DNAH3: variants seen among roughly 807,000 people sequenced by gnomAD.
DNAH3 encodes axonemal beta dynein heavy chain 3.
Under a neutral mutation model 432.5 loss-of-function variants are expected in DNAH3, and 332 were observed. The ratio of observed to expected loss-of-function variants is 0.77; its 90% confidence interval spans 0.70 to 0.84. DNAH3 has a LOEUF of 0.84. Ranked by LOEUF, DNAH3 falls within the 40% of genes least tolerant of loss-of-function variation. The pLI is 0.00. For synonymous variants in DNAH3, 1,956 were observed against 1,900.2 expected (o/e 1.03, Z -0.76); for missense variants, 4,861 against 5,114.0 (o/e 0.95, Z 1.51).
intron 53 of DNAH3, among the ~76,000 whole-genome samples, chr16:20,962,281 C>T (rs994288072): frequency 6.6e-6 from 1 of 152,136 alleles, no homozygotes; most frequent in African/African-American, 2.4e-5. Context: ...GTCAGTGGTT[C>T]CCATCCCTGG....
chr16:20,992,662 A>G (rs551979277), intron 44 of DNAH3, among the ~76,000 whole-genome samples: 38 of 152,254 alleles, frequency 2.5e-4, no homozygotes, highest in African/African-American at 9.1e-4. Flanking sequence ...TTCTTACCCC[A>G]GCAGACATGC....
chr16:20,950,145 G>A (rs1304330745), intron 56 of DNAH3, among the ~76,000 whole-genome samples: 1 of 152,198 alleles, frequency 6.6e-6, no homozygotes, highest in East Asian at 1.9e-4. Flanking sequence ...ACTGTGTCCA[G>A]CTCCAGGCGC....
chr16:21,010,336 C>G (rs768461710), intron 41 of DNAH3, among the ~76,000 whole-genome samples: 23 of 152,100 alleles, frequency 1.5e-4, no homozygotes, highest in Non-Finnish European at 2.8e-4. Flanking sequence ...ACCCCTACCC[C>G]CCCTACCCCA....
chr16:21,152,466 G>A (rs911687494), intron 1 of DNAH3, among the ~76,000 whole-genome samples: 1 of 152,228 alleles, frequency 6.6e-6, no homozygotes, highest in Non-Finnish European at 1.5e-5. Context: ...CGCTCTCGGC[G>A]CCTCCTCTGC....
At chr16:20,977,133 G>C (rs2085628814) in intron 50 of DNAH3, among the ~76,000 whole-genome samples, 1 of 152,176 alleles carries the variant, frequency 6.6e-6, no homozygotes, top group African/African-American at 2.4e-5. Flanking sequence ...CCAGCACTTT[G>C]GGAGGCTGAG....
intron 6 of DNAH3, among the ~76,000 whole-genome samples, chr16:21,135,867 T>G (rs1029375856): frequency 6.7e-6 from 1 of 148,368 alleles, no homozygotes; most frequent in Non-Finnish European, 1.5e-5. Context: ...TAGGGAGACC[T>G]TGTCGCTAAA....
At chr16:20,984,583 T>C (rs776667405) in intron 48 of DNAH3, among the ~76,000 whole-genome samples, 22 of 152,076 alleles carry the variant, frequency 1.4e-4, no homozygotes, top group Non-Finnish European at 2.8e-4. Flanking sequence ...TTTGAAATTA[T>C]TCAGGGTCCG....
chr16:20,934,955 C>T (rs2083534829), intron 61 of DNAH3, among the ~76,000 whole-genome samples: 1 of 152,040 alleles, frequency 6.6e-6, no homozygotes, highest in Non-Finnish European at 1.5e-5. Context: ...AGCCATTCTA[C>T]TCTCTATATA....
At chr16:21,022,789 G>A (rs904398899) in intron 39 of DNAH3, among the ~76,000 whole-genome samples, 3 of 149,262 alleles carry the variant, frequency 2.0e-5, no homozygotes, top group Admixed American at 6.7e-5. Context: ...CTGTCACCAA[G>A]GCTGGAGTGC....
chr16:20,964,748 C>G, exon 53 of DNAH3: 1 of 1,614,136 alleles, frequency 6.2e-7, no homozygotes, highest in Non-Finnish European at 8.5e-7. Context: ...ATGGGATCCC[C>G]TAACGTGTGG....
chr16:21,019,332 G>A (rs912570281), intron 41 of DNAH3: 5 of 363,114 alleles, frequency 1.4e-5, no homozygotes, highest in Admixed American at 8.6e-5. Context: ...AATTTTGTTT[G>A]TATTTTTAAT....
chr16:21,136,641 A>C, intron 5 of DNAH3, 128 bp from the exon 7 acceptor site: 3 of 854,024 alleles, frequency 3.5e-6, no homozygotes, highest in Non-Finnish European at 5.7e-6. Flanking sequence ...TGCCATAACC[A>C]TGCATTCTGG....
chr16:21,007,154 C>T lies in DNAH3; in HGVS notation c.6023-3947G>A, dbSNP rs375482251. Among the ~76,000 whole-genome samples, 302 of 151,716 alleles carry T rather than the reference C, an allele frequency of 2.0e-3. 7 individuals are homozygous for T. The South Asian group carries it at 0.06, about 30-fold the overall frequency. ...CTCATTGTGGTTTTAATTTGCATTT[C>T]CCTGATGGCTAATAACATTGAGCAT... On this transcript the variant is annotated intron_variant, in intron 41 of 61. Coordinates refer to ENST00000261383, the Ensembl canonical transcript of DNAH3.
chr16:20,941,706 G>A (rs1206408951), intron 58 of DNAH3, among the ~76,000 whole-genome samples, 163 bp from the exon 59 acceptor site: 1 of 151,954 alleles, frequency 6.6e-6, no homozygotes, highest in Non-Finnish European at 1.5e-5. Flanking sequence ...GGGGAAAGGA[G>A]TCCCTCATCA....
At chr16:20,998,250 GT>G (rs2086850400) in intron 43 of DNAH3, among the ~76,000 whole-genome samples, 1 of 152,006 alleles carries the variant, frequency 6.6e-6, no homozygotes, top group Admixed American at 6.6e-5. Flanking sequence ...GGAGTTTTTT[GT>G]TTGTTTGTTT....
At chr16:21,039,751 T>G in intron 33 of DNAH3, 101 bp downstream of exon 33, 1 of 913,340 alleles carries the variant, frequency 1.1e-6, no homozygotes, top group Non-Finnish European at 1.8e-6. Context: ...TTTCTCAAGC[T>G]TCTCTCTCTT....
intron 37 of DNAH3, among the ~76,000 whole-genome samples, chr16:21,028,067 T>C (rs932673797): frequency 6.6e-6 from 1 of 152,160 alleles, no homozygotes; most frequent in Admixed American, 6.5e-5. Context: ...AATCACTCCA[T>C]CCTCGACCTT....
rs952802149 is a variant in DNAH3, at chr16:21,104,657, G to A, written c.2285-105C>T. 49 of 930,352 alleles carry A rather than the reference G, an allele frequency of 5.3e-5. No individual in the cohort carries two copies. The South Asian group carries it at 5.8e-4, about 11-fold the overall frequency. 57.6% of individuals were successfully genotyped at this position (930,352 alleles called of 1,614,324 possible). A position where few individuals can be genotyped will look rare whatever the true frequency, so the allele number is the denominator to read the frequency against. On this transcript the variant is annotated intron_variant, in intron 15 of 61. Transcript: ENST00000261383. ...AGCATAGGTCGGGTCAGCATGTGGCGAATTAATTAGACAGAACAAGAGGTC... is the reference window on the plus strand; with the variant it reads ...AGCATAGGTCGGGTCAGCATGTGGCAAATTAATTAGACAGAACAAGAGGTC...
intron 18 of DNAH3, among the ~76,000 whole-genome samples, chr16:21,096,454 T>C (rs2091683564): frequency 6.6e-6 from 1 of 152,146 alleles, no homozygotes; most frequent in African/African-American, 2.4e-5. Flanking sequence ...TTTTGTCCTC[T>C]GTTCTTCAAC....
Sources: allele counts gnomAD v4.1 joint callset (sites outside exome capture counted in the v4.1 genomes callset), GRCh38; gene constraint gnomAD v4.1.1; transcripts MANE v1.5; gene names NCBI Gene and HGNC (gene_info 2026-07-23, HGNC 2026-07-21).